The following ATRN variants were observed in gnomAD, a reference collection of about 807,000 sequenced individuals.
The protein encoded by ATRN is attractin-2.
In ATRN, 54 loss-of-function variants were observed where a neutral mutation model predicts 178.7. The ratio of observed to expected loss-of-function variants is 0.30; its 90% CI spans 0.24 to 0.38. The LOEUF (loss-of-function observed/expected upper bound fraction) is 0.38, where lower values mean the gene tolerates loss of function less well. Among genes scored for constraint, ATRN ranks in the 10% least tolerant of loss-of-function variants. The pLI is 1.00. For synonymous variants in ATRN, 636 were observed against 663.0 expected, an observed-to-expected ratio of 0.96 and a Z score of 0.63; for missense variants, 1,443 against 1,815.1, an observed-to-expected ratio of 0.79 and a Z score of 3.73.
Position 3,523,877 on chromosome 20 carries a change from T to G in ATRN, c.411-11376T>G, listed in dbSNP as rs574868629. Among the ~76,000 whole-genome samples the G allele has an allele frequency of 7.2e-5, 11 of 152,334 alleles. No individual in the cohort carries two copies. The East Asian group carries it at 2.1e-3, about 29-fold the overall frequency. On this transcript the variant is annotated intron_variant, in intron 1 of 28. Transcript: ENST00000262919. ...CAGACAAGCAATTGCTGAGATATTTTGTCATCACCAGGCCTGCCTTACAAG... is the reference window on the plus strand; with the variant it reads ...CAGACAAGCAATTGCTGAGATATTTGGTCATCACCAGGCCTGCCTTACAAG...
At chr20:3,501,471 A>T (rs752842814) in intron 1 of ATRN, among the ~76,000 whole-genome samples, 1 of 152,216 alleles carries the variant, frequency 6.6e-6, no homozygotes, top group South Asian at 2.1e-4. Context: ...CAAGAATGCT[A>T]TAAGATGATC....
intron 1 of ATRN, among the ~76,000 whole-genome samples, chr20:3,501,175 G>C (rs934191956): frequency 6.6e-6 from 1 of 152,156 alleles, no homozygotes; most frequent in African/African-American, 2.4e-5. Context: ...TATTGGATTG[G>C]TGCTCTGGAT....
At chr20:3,604,888 C>T (rs1196814832) in intron 24 of ATRN, among the ~76,000 whole-genome samples, 2 of 152,154 alleles carry the variant, frequency 1.3e-5, no homozygotes, top group Non-Finnish European at 2.9e-5. Context: ...CCTCTGTTCC[C>T]AGGGGGCCAG....
chr20:3,572,826 C>T lies in ATRN; in HGVS notation c.1967C>T (p.Ala656Val). 1.2e-6 allele frequency: 2 copies of T among 1,613,750 alleles called. No homozygotes were observed. Among genetic ancestry groups the T allele is most frequent in the Non-Finnish European group, 1.7e-6 (2 of 1,179,966 alleles). ...TGTGATGCGCATCGGAGTGAAGCCG[C>T]TTGTTTAGCAGCAGGACCTGGTATT... The part of the protein sequence containing the change: ...EQCDAHRSEA[A>V]CLAAGPGIRC... Residue 656 changes from alanine (A) to valine (V), a missense_variant, in exon 12 of 29, where the codon GCT becomes GTT. Ala to Val is a moderately conservative substitution (Grantham distance 64). Around this residue, in one of 4 missense-constraint regions of ATRN, gnomAD observed 862 missense variants for 972.1 expected, o/e 0.89. Coordinates refer to ENST00000262919, the MANE Select transcript of ATRN (RefSeq NM_139321.3).
intron 24 of ATRN, among the ~76,000 whole-genome samples, chr20:3,612,882 T>G (rs1001827717): frequency 6.6e-6 from 1 of 152,178 alleles, no homozygotes; most frequent in African/African-American, 2.4e-5. Flanking sequence ...CTTTTCCCAG[T>G]CTGTGCCTAT....
intron 27 of ATRN, among the ~76,000 whole-genome samples, chr20:3,643,540 G>A (rs561319334): frequency 1.3e-5 from 2 of 151,720 alleles, no homozygotes; most frequent in Admixed American, 1.3e-4. Context: ...AAAAAGAGAA[G>A]AAACTAATAT....
chr20:3,576,675 A>ATCTGTCTGTCTGTCTG (rs1229001451), intron 13 of ATRN, among the ~76,000 whole-genome samples, 184 bp from the exon 14 acceptor site: 1 of 58,580 alleles, frequency 1.7e-5, no homozygotes, highest in Non-Finnish European at 3.4e-5. Flanking sequence ...CAACTTATCT[A>ATCTGTCTGTCTGTCTG]TCTATCTGTC....
At chr20:3,577,913 C>T (rs2086233548) in intron 14 of ATRN, among the ~76,000 whole-genome samples, 1 of 152,118 alleles carries the variant, frequency 6.6e-6, no homozygotes, top group Admixed American at 6.5e-5. Context: ...TTGATGTCTC[C>T]AAAGTACTTT....
chr20:3,639,921 G>T (rs966295266), intron 27 of ATRN, among the ~76,000 whole-genome samples: 4 of 152,110 alleles, frequency 2.6e-5, no homozygotes, highest in Admixed American at 2.6e-4. Flanking sequence ...CCTCTCTATA[G>T]AAAAACATCT....
At chr20:3,526,059 A>G (rs151538) in intron 1 of ATRN, among the ~76,000 whole-genome samples, 40,632 of 152,040 alleles carry the variant, frequency 0.27, 5,988 homozygotes, top group African/African-American at 0.33. Context: ...GGGCAATCAG[A>G]CAAGAGAAAG....
intron 1 of ATRN, among the ~76,000 whole-genome samples, chr20:3,476,142 T>C (rs6051886): frequency 0.058 from 8,768 of 152,256 alleles, 777 homozygotes; most frequent in African/African-American, 0.19. Context: ...GAGACCCTTG[T>C]CACAAAAAAA....
rs114765388 is a variant in ATRN at position 3,519,470 on chromosome 20, G to A, written c.411-15783G>A. ...ACAATTCAGTACATGAATTAAAAGA[G>A]GGGCAGTGCAAGAAATTTTTGGAGA... On this transcript the variant is annotated intron_variant, in intron 1 of 28. Coordinates refer to ENST00000262919, the MANE Select transcript of ATRN (RefSeq NM_139321.3). Among the ~76,000 whole-genome samples the A allele has an allele frequency of 4.0e-3, 608 of 152,232 alleles. 2 individuals carry two copies. The highest frequency in any genetic ancestry group is 0.014 in the African/African-American group (572 of 41,548).
intron 1 of ATRN, among the ~76,000 whole-genome samples, chr20:3,508,187 T>C (rs928509676): frequency 6.6e-6 from 1 of 151,826 alleles, no homozygotes; most frequent in Admixed American, 6.6e-5. Context: ...TGTCTCAGTT[T>C]TAAAAATTTA....
chr20:3,559,365 G>A (rs1206804393), intron 6 of ATRN, 28 bp from the exon 7 acceptor site: 1 of 1,511,266 alleles, frequency 6.6e-7, no homozygotes, highest in African/African-American at 1.4e-5. Context: ...TATTAGTTGG[G>A]TGAAAATATG....
intron 1 of ATRN, among the ~76,000 whole-genome samples, chr20:3,499,896 C>A (rs28857263): frequency 0.05 from 7,495 of 149,214 alleles, 197 homozygotes; most frequent in Non-Finnish European, 0.059. Flanking sequence ...AGTGAACAGG[C>A]AACCTACAAA....
chr20:3,572,877 C>G lies in ATRN; in HGVS notation c.2018C>G (p.Ser673Cys), dbSNP rs148768760. The change falls in exon 12 of 29, where the codon TCT becomes TGT. Residue 673 changes from serine to cysteine, a missense_variant. Ser to Cys is a moderately radical substitution (Grantham distance 112, BLOSUM62 -1). This residue lies in a region of ATRN where 862 missense variants were observed against 972.1 expected (regional missense o/e 0.89). Coordinates refer to ENST00000262919, the MANE Select transcript of ATRN (RefSeq NM_139321.3). ...GIRCVWNTGS[S>C]QCISWALATD... ...CGGTGTGTGTGGAACACAGGGTCGT[C>G]TCAGTGTATCTCGTGGGCGCTGGCA... 74 of 1,613,824 alleles carry G rather than the reference C, an allele frequency of 4.6e-5. No homozygotes were observed. Among genetic ancestry groups the G allele is most frequent in the Non-Finnish European group, 5.8e-5 (68 of 1,179,966 alleles).
Position 3,540,314 on chromosome 20 carries a change from C to T in ATRN, c.587C>T (p.Ala196Val), listed in dbSNP as rs780027249. ...GTTTATGATGGGGACTCAATTTATG[C>T]ACCGCTAGTTGCTGCATTTAGGTAA... is the stretch of plus-strand genomic sequence containing the variant. ...LYVYDGDSIY[A>V]PLVAAFSGLI... The change falls in exon 3 of 29, where the codon GCA (alanine) becomes GTA (valine). Residue 196 changes from alanine to valine, a missense_variant. Ala to Val is a moderately conservative substitution (Grantham distance 64). Coordinates refer to ENST00000262919, the MANE Select transcript of ATRN (RefSeq NM_139321.3). 2.5e-6 allele frequency: 4 copies of T among 1,606,112 alleles called. No homozygotes were observed. In the South Asian group the frequency reaches 4.4e-5, roughly 18 times the overall value.
chr20:3,575,886 A>T lies in ATRN; in HGVS notation c.2152A>T (p.Asn718Tyr). ...TDCYSCTANT[N>Y]DCHWCNDHCV... ...TTGTTACAGCTGCACAGCCAACACC[A>T]ATGACTGCCACTGGTGCAATGACCA... is the stretch of plus-strand genomic sequence containing the variant. Residue 718 changes from asparagine to tyrosine, a missense_variant, in exon 13 of 29, where the codon AAT (asparagine) becomes TAT (tyrosine). By Grantham distance (143) the Asn-to-Tyr change is moderately radical. Around this residue, in one of 4 missense-constraint regions of ATRN, gnomAD observed 862 missense variants for 972.1 expected, o/e 0.89. Transcript: ENST00000262919. The T allele has an allele frequency of 1.2e-6, 2 of 1,614,106 alleles. No individual in the cohort carries two copies. The highest frequency in any genetic ancestry group is 1.7e-6 in the Non-Finnish European group (2 of 1,180,000).
intron 15 of ATRN, among the ~76,000 whole-genome samples, chr20:3,580,914 G>A (rs187282871): frequency 6.6e-6 from 1 of 152,200 alleles, no homozygotes; most frequent in Admixed American, 6.6e-5. Context: ...TTATTTTTAG[G>A]TCTTTTAGTA....
Sources: allele counts gnomAD v4.1 joint callset (sites outside exome capture counted in the v4.1 genomes callset), GRCh38; gene constraint gnomAD v4.1.1; regional missense constraint gnomAD v4.1.1; transcripts MANE v1.5; gene names NCBI Gene and HGNC (gene_info 2026-07-23, HGNC 2026-07-21).